Variants in CD82 observed in about 807,000 individuals in gnomAD.
The protein encoded by CD82 is CD82 antigen.
A neutral mutation model predicts 37.4 loss-of-function variants in CD82; 36 were observed. The ratio of observed to expected loss-of-function variants is 0.96; its 90% CI spans 0.74 to 1.27. The LOEUF is 1.27. Ranked by LOEUF, CD82 falls within the 50% of genes most tolerant of loss-of-function variation. The probability of loss-of-function intolerance (pLI) is 0.00; values close to 1 mark genes in which losing one functional copy is unlikely to be tolerated. For synonymous variants in CD82, 158 were observed against 137.4 expected, an observed-to-expected ratio of 1.15 and a Z score of -1.05; for missense variants, 340 against 347.0, an observed-to-expected ratio of 0.98 and a Z score of 0.16.
chr11:44,607,064 GTTC>G (rs1435952705), intron 6 of CD82: 5 of 152,276 alleles, frequency 3.3e-5, no homozygotes, highest in African/African-American at 4.8e-5. Context: ...AGTGCCACCA[GTTC>G]TTGTCCACCA....
intron 8 of CD82, 130 bp from the exon 9 acceptor site, chr11:44,618,510 A>G: frequency 1.9e-6 from 2 of 1,068,294 alleles, no homozygotes; most frequent in Admixed American, 1.9e-5. Flanking sequence ...TTGTTAATGT[A>G]TTTATTCAAG....
chr11:44,576,870 C>T (rs1852899513), intron 1 of CD82, among the ~76,000 whole-genome samples: 1 of 152,136 alleles, frequency 6.6e-6, no homozygotes, highest in South Asian at 2.1e-4. Context: ...AGGGAGTTGC[C>T]CAGGATCCCG....
intron 3 of CD82, chr11:44,596,741 C>T (rs890331461): frequency 3.2e-4 from 118 of 369,096 alleles, no homozygotes; most frequent in East Asian, 4.4e-4. Context: ...CTGGAGGAGG[C>T]AGAACGGGCT....
chr11:44,615,617 G>A (rs1853553469), intron 7 of CD82, among the ~76,000 whole-genome samples: 1 of 152,188 alleles, frequency 6.6e-6, no homozygotes, highest in Non-Finnish European at 1.5e-5. Flanking sequence ...GAGAGCATGG[G>A]GGCAGTTGTC....
chr11:44,619,192 T>G lies in CD82; in HGVS notation c.*66T>G. 7.8e-7 allele frequency: 1 copy of G among 1,276,710 alleles called. No individual in the cohort carries two copies. Among genetic ancestry groups the G allele is most frequent in the South Asian group, 1.2e-5 (1 of 84,444 alleles). The allele number at this position is 1,276,710 out of a possible 1,614,324, so 79.1% of individuals were successfully genotyped here. The stretch of plus-strand genomic sequence containing the variant: ...CAGGGCTCCCAGGGGTCTCCCTGGC[T>G]CCCTCCTCCAGGCCTGCCTCCCACT... On this transcript the variant is annotated 3_prime_UTR_variant, in exon 10 of 10. Coordinates refer to ENST00000227155, the MANE Select transcript of CD82 (RefSeq NM_002231.4).
Position 44,619,283 on chromosome 11 carries a change from C to T in CD82, c.*157C>T. The T allele has an allele frequency of 1.6e-6, 1 of 626,672 alleles. No individual in the cohort carries two copies. The highest frequency in any genetic ancestry group is 1.8e-5 in the South Asian group (1 of 54,100). 38.8% of individuals were successfully genotyped at this position (626,672 alleles called of 1,614,324 possible). ...GGGGCTTTCTGGGGCCTAGCGATCTCTCCTGGCCTATCCGCTGCCAGCCTT... is the reference window on the plus strand; with the variant it reads ...GGGGCTTTCTGGGGCCTAGCGATCTTTCCTGGCCTATCCGCTGCCAGCCTT... On this transcript the variant is annotated 3_prime_UTR_variant, in exon 10 of 10. Coordinates refer to ENST00000227155, the MANE Select transcript of CD82 (RefSeq NM_002231.4).
At chr11:44,568,801 CA>C (rs1852774391) in intron 1 of CD82, among the ~76,000 whole-genome samples, 1 of 152,190 alleles carries the variant, frequency 6.6e-6, no homozygotes, top group African/African-American at 2.4e-5. Flanking sequence ...CCTGGGGACC[CA>C]AACCTGTTCC....
chr11:44,595,974 A>C (rs1372717000), intron 3 of CD82, among the ~76,000 whole-genome samples: 2 of 151,938 alleles, frequency 1.3e-5, no homozygotes, highest in African/African-American at 4.8e-5. Flanking sequence ...CCCAATGCAC[A>C]GACATGTACA....
chr11:44,613,954 A>G (rs1204376096), intron 6 of CD82, among the ~76,000 whole-genome samples: 1 of 151,782 alleles, frequency 6.6e-6, no homozygotes, highest in Non-Finnish European at 1.5e-5. Context: ...GGGGCTTGGG[A>G]AGGGGTGAGG....
At chr11:44,564,485 C>A (rs1852697972), upstream of CD82, 1 of 456,216 alleles carries the variant, frequency 2.2e-6, no homozygotes, top group African/African-American at 2.0e-5. Flanking sequence ...CAGGTGAATG[C>A]CCCTGGTCAT....
chr11:44,596,183 G>A (rs1393243548), intron 3 of CD82, among the ~76,000 whole-genome samples: 1 of 152,212 alleles, frequency 6.6e-6, no homozygotes, highest in Non-Finnish European at 1.5e-5. Context: ...CCGGGCTTGG[G>A]CTTCCCCAGC....
intron 1 of CD82, among the ~76,000 whole-genome samples, chr11:44,580,757 A>G (rs1852968830): frequency 6.6e-6 from 1 of 152,114 alleles, no homozygotes; most frequent in Non-Finnish European, 1.5e-5. Context: ...GTTTGAATCT[A>G]TGTCTGTCTG....
intron 1 of CD82, among the ~76,000 whole-genome samples, chr11:44,574,305 C>G (rs1482691986): frequency 6.6e-6 from 1 of 152,148 alleles, no homozygotes; most frequent in African/African-American, 2.4e-5. Context: ...AGCCTTTGCT[C>G]GCACACCTCA....
chr11:44,575,504 G>T (rs1447699994), intron 1 of CD82, among the ~76,000 whole-genome samples: 1 of 152,178 alleles, frequency 6.6e-6, no homozygotes, highest in Non-Finnish European at 1.5e-5. Flanking sequence ...AGATTGCTTG[G>T]CCCCACCCCC....
At chr11:44,579,425 C>T (rs1165366214) in intron 1 of CD82, among the ~76,000 whole-genome samples, 5 of 152,032 alleles carry the variant, frequency 3.3e-5, no homozygotes, top group Non-Finnish European at 7.4e-5. Flanking sequence ...CCGGCCTCAC[C>T]GCAGGCTCCC....
chr11:44,599,949 G>A (rs1853283355), intron 3 of CD82, among the ~76,000 whole-genome samples: 2 of 152,222 alleles, frequency 1.3e-5, no homozygotes, highest in Non-Finnish European at 1.5e-5. Flanking sequence ...ATGGGAGGCA[G>A]GAGGGATTCC....
In CD82 at chr11:44,605,518, C is replaced by T. The variant is rs1029241782; in HGVS notation, c.336+89C>T. ...GTGGGGGATGGACAAGGAACCCCCC[C>T]AGTTGTCACAGACAGATCCAGTAGG... On this transcript the variant is annotated intron_variant, in intron 6 of 9. Coordinates refer to ENST00000227155, the MANE Select transcript of CD82 (RefSeq NM_002231.4). 11 of 1,198,288 alleles carry T rather than the reference C, an allele frequency of 9.2e-6. No individual in the cohort carries two copies. In the African/African-American group the frequency reaches 1.5e-4, roughly 16 times the overall value. 74.2% of individuals were successfully genotyped at this position (1,198,288 alleles called of 1,614,324 possible). A position where few individuals can be genotyped will look rare whatever the true frequency, so the allele number is the denominator to read the frequency against.
At chr11:44,615,913 T>TGGATG (rs1258610596) in intron 7 of CD82, among the ~76,000 whole-genome samples, 1 of 152,080 alleles carries the variant, frequency 6.6e-6, no homozygotes, top group Non-Finnish European at 1.5e-5. Context: ...GAGAGATGGA[T>TGGATG]GGATGGATGG....
chr11:44,590,117 G>A (rs1853119119), intron 2 of CD82, among the ~76,000 whole-genome samples: 2 of 151,810 alleles, frequency 1.3e-5, no homozygotes, highest in Non-Finnish European at 2.9e-5. Context: ...ACAGGTGTGA[G>A]CCACCGCGCC....
Sources: allele counts gnomAD v4.1 joint callset (sites outside exome capture counted in the v4.1 genomes callset), GRCh38; gene constraint gnomAD v4.1.1; transcripts MANE v1.5; gene names NCBI Gene and HGNC (gene_info 2026-07-23, HGNC 2026-07-21).